The following IGSF10 variants were observed in gnomAD, a reference collection of about 807,000 sequenced individuals.
IGSF10 encodes the protein immunoglobulin superfamily member 10.
Under a neutral mutation model 128.2 loss-of-function variants are expected in IGSF10, and 126 were observed. The ratio of observed to expected loss-of-function variants is 0.98; its 90% CI spans 0.85 to 1.14. The LOEUF is 1.14. Ranked by LOEUF, IGSF10 falls within the 50% of genes most tolerant of loss-of-function variation. IGSF10 has a pLI of 0.00. For missense variants in IGSF10, 3,295 were observed against 3,149.8 expected (o/e 1.05, Z -1.10); for synonymous variants, 1,185 against 1,146.2 (o/e 1.03, Z -0.68).
the IGSF10 span, among the ~76,000 whole-genome samples, chr3:151,616,841 G>GA: frequency 7.0e-4 from 106 of 152,010 alleles, 1 homozygote; most frequent in East Asian, 0.019. Context: ...AAGTTATAAA[G>GA]AAAAAAAATA....
the IGSF10 span, among the ~76,000 whole-genome samples, chr3:151,613,926 T>A: frequency 6.6e-6 from 1 of 152,162 alleles, no homozygotes; most frequent in Admixed American, 6.5e-5. Flanking sequence ...AACCTACTCA[T>A]CTGACAAAGG....
the IGSF10 span, among the ~76,000 whole-genome samples, chr3:151,523,511 C>A: frequency 6.6e-6 from 1 of 152,068 alleles, no homozygotes; most frequent in Admixed American, 6.6e-5. Context: ...AGAAATAAAG[C>A]CCCACATCTA....
downstream of IGSF10, chr3:151,435,078 T>TC (rs1719972724): frequency 1.3e-5 from 2 of 150,936 alleles, no homozygotes; most frequent in South Asian, 2.1e-4. Flanking sequence ...TTTTTTTTTT[T>TC]TTTTCTTTTC....
At chr3:151,527,500 T>C in the IGSF10 span, among the ~76,000 whole-genome samples, 1 of 152,212 alleles carries the variant, frequency 6.6e-6, no homozygotes, top group Non-Finnish European at 1.5e-5. Flanking sequence ...ATAACTTTTG[T>C]ATTACCTTAC....
the IGSF10 span, among the ~76,000 whole-genome samples, chr3:151,493,925 A>C: frequency 6.6e-6 from 1 of 152,108 alleles, no homozygotes; most frequent in South Asian, 2.1e-4. Flanking sequence ...TTGTTGTTCT[A>C]AGTCACTAAA....
chr3:151,508,393 G>A, the IGSF10 span, among the ~76,000 whole-genome samples: 3 of 152,054 alleles, frequency 2.0e-5, no homozygotes, highest in Non-Finnish European at 4.4e-5. Context: ...AAAATTTTGT[G>A]TAGCATTAAT....
At chr3:151,577,399 C>A in the IGSF10 span, among the ~76,000 whole-genome samples, 1 of 151,982 alleles carries the variant, frequency 6.6e-6, no homozygotes, top group Non-Finnish European at 1.5e-5. Flanking sequence ...CTATATAATC[C>A]TTTTTTCCCT....
the IGSF10 span, among the ~76,000 whole-genome samples, chr3:151,584,998 A>G: frequency 1.3e-5 from 2 of 152,182 alleles, no homozygotes; most frequent in Admixed American, 6.5e-5. Flanking sequence ...TTCTGATTAT[A>G]TGTCCTTTTA....
the IGSF10 span, among the ~76,000 whole-genome samples, chr3:151,571,729 T>C: frequency 1.3e-5 from 2 of 152,176 alleles, no homozygotes; most frequent in African/African-American, 4.8e-5. Context: ...TCTTGCCTGA[T>C]TGCCCTGGCC....
the IGSF10 span, among the ~76,000 whole-genome samples, chr3:151,591,603 G>A: frequency 6.6e-6 from 1 of 151,904 alleles, no homozygotes; most frequent in African/African-American, 2.4e-5. Flanking sequence ...CTAGAAGTGG[G>A]AGTTGAACTA....
the IGSF10 span, among the ~76,000 whole-genome samples, chr3:151,598,308 G>A: frequency 6.6e-6 from 1 of 152,088 alleles, no homozygotes; most frequent in Non-Finnish European, 1.5e-5. Flanking sequence ...ATGTTTGTGA[G>A]CAAGTTTTAG....
the IGSF10 span, among the ~76,000 whole-genome samples, chr3:151,521,653 T>C: frequency 6.6e-6 from 1 of 152,118 alleles, no homozygotes; most frequent in Non-Finnish European, 1.5e-5. Context: ...AAGAAGTTAT[T>C]TGAAGCTAAT....
chr3:151,474,200 G>A, the IGSF10 span, among the ~76,000 whole-genome samples: 760 of 152,170 alleles, frequency 5.0e-3, 7 homozygotes, highest in African/African-American at 0.017. Flanking sequence ...GAAGGCATAC[G>A]TTTGGTGTTA....
chr3:151,614,245 C>T, the IGSF10 span, among the ~76,000 whole-genome samples: 4 of 152,154 alleles, frequency 2.6e-5, no homozygotes, highest in Admixed American at 2.6e-4. Flanking sequence ...AGTTCAATCA[C>T]TGTGGAAGTC....
rs910069168 is a variant in IGSF10 at position 151,441,698 on chromosome 3, CA to C, written c.5963+1285del. On this transcript the variant is annotated intron_variant, in intron 7 of 7. Transcript: ENST00000282466. ...CCATTGTGTAAAGTCATGCCACTTGCAAAAAAAAACCTCATAAGCTATAATT... is the reference window on the plus strand; with the variant it reads ...CCATTGTGTAAAGTCATGCCACTTGCAAAAAAAACCTCATAAGCTATAATT... Among the ~76,000 whole-genome samples, 148 of 149,224 alleles carry C rather than the reference CA, an allele frequency of 9.9e-4. 1 individual carries two copies. Among genetic ancestry groups the C allele is most frequent in the African/African-American group, 3.1e-3 (125 of 40,666 alleles).
chr3:151,549,754 T>G, the IGSF10 span, among the ~76,000 whole-genome samples: 1 of 152,212 alleles, frequency 6.6e-6, no homozygotes, highest in African/African-American at 2.4e-5. Context: ...ATGTACTCAA[T>G]CTACCTTCTT....
intron 1 of IGSF10, among the ~76,000 whole-genome samples, 177 bp from the exon 2 acceptor site, chr3:151,460,524 A>G (rs377107499): frequency 6.6e-6 from 1 of 152,252 alleles, no homozygotes; most frequent in Non-Finnish European, 1.5e-5. Context: ...TTGCTGTTGC[A>G]GAAACAAAAG....
At position 151,448,770 on chromosome 3, in the gene IGSF10, TATTTGTA is replaced by T. The variant is rs774218474; in HGVS notation, c.1204_1210del (p.Tyr402IlefsTer15). On this transcript the variant is annotated frameshift_variant, in exon 6 of 8. Coordinates refer to ENST00000282466, the MANE Select transcript of IGSF10 (RefSeq NM_178822.5). LOFTEE classifies it high-confidence loss of function. ...TTCAGGCTTAGGAGCCACCTGTTTATATTTGTAATAGAGCTGCGGTGTTTCACTAAGC... is the reference window on the plus strand; with the variant it reads ...TTCAGGCTTAGGAGCCACCTGTTTATATAGAGCTGCGGTGTTTCACTAAGC... 1 of 1,613,756 alleles carries T rather than the reference TATTTGTA, an allele frequency of 6.2e-7. No homozygotes were observed. The highest frequency in any genetic ancestry group is 1.7e-5 in the Admixed American group (1 of 60,024).
the IGSF10 span, among the ~76,000 whole-genome samples, chr3:151,542,294 C>T: frequency 6.6e-6 from 1 of 151,986 alleles, no homozygotes; most frequent in Non-Finnish European, 1.5e-5. Flanking sequence ...TAATATAAGA[C>T]ACATATAGTA....
Sources: gnomAD v4.1 joint callset for allele counts (sites outside exome capture counted in the v4.1 genomes callset) on GRCh38, gnomAD v4.1.1 for gene constraint, MANE v1.5 for transcripts, NCBI Gene and HGNC (gene_info 2026-07-23, HGNC 2026-07-21) for gene names.